PCDH11X: variants seen among roughly 807,000 people sequenced by gnomAD.
PCDH11X encodes the protein protocadherin-11 X-linked.
A neutral mutation model predicts 53.3 loss-of-function variants in PCDH11X; 18 were observed. That is an observed-to-expected ratio of 0.34 (90% confidence interval 0.23 to 0.50). The LOEUF is 0.50. Ranked by LOEUF, PCDH11X falls within the 20% of genes least tolerant of loss-of-function variation. The probability of loss-of-function intolerance (pLI) is 0.98; values close to 1 mark genes in which losing one functional copy is unlikely to be tolerated. For synonymous variants in PCDH11X, 279 were observed against 393.3 expected (o/e 0.71, Z 3.44); for missense variants, 570 against 1,032.4 (o/e 0.55, Z 6.14).
Position 92,387,840 on chromosome X carries a change from G to A in PCDH11X, c.3250G>A (p.Gly1084Ser). ...AGGCAGCCTTACCAGCACATCTCATGGCCTGCCCCTTGGCTATCCTCAGGA... is the reference window on the plus strand; with the variant it reads ...AGGCAGCCTTACCAGCACATCTCATAGCCTGCCCCTTGGCTATCCTCAGGA... ...DAGSLTSTSHGLPLGYPQEEY... is the reference protein window; with the variant it reads ...DAGSLTSTSHSLPLGYPQEEY... Residue 1084 changes from glycine (G) to serine (S), a missense_variant, in exon 9 of 11, where the codon GGC becomes AGC. Physicochemically the swap from Gly to Ser is moderately conservative, Grantham distance 56. This residue lies in a region of PCDH11X where 234 missense variants were observed against 296.1 expected (regional missense o/e 0.79). Coordinates refer to ENST00000682573, the MANE Select transcript of PCDH11X (RefSeq NM_032968.5). The A allele has an allele frequency of 8.3e-6, 10 of 1,211,608 alleles. No individual in the cohort carries two copies. Among genetic ancestry groups the A allele is most frequent in the Non-Finnish European group, 1.1e-5 (10 of 895,430 alleles).
At chrX:92,434,976 A>C (rs1432289061) in intron 9 of PCDH11X, among the ~76,000 whole-genome samples, 1 of 111,244 alleles carries the variant, frequency 9.0e-6, no homozygotes, top group Admixed American at 9.6e-5. Flanking sequence ...TGACTGCACC[A>C]GTTCTCTAAG....
At chrX:92,283,857 G>A (rs2068302006) in intron 8 of PCDH11X, among the ~76,000 whole-genome samples, 1 of 111,473 alleles carries the variant, frequency 9.0e-6, no homozygotes, top group African/African-American at 3.3e-5. Flanking sequence ...AATGAAGGTA[G>A]ACATATTTCT....
chrX:92,276,186 G>T (rs761776677), intron 8 of PCDH11X, among the ~76,000 whole-genome samples: 11 of 108,694 alleles, frequency 1.0e-4, no homozygotes, highest in Non-Finnish European at 1.1e-4. Context: ...AGGGAAACAG[G>T]CCCTTGAAAA....
At chrX:92,588,928 A>G (rs1313880244) in intron 10 of PCDH11X, among the ~76,000 whole-genome samples, 1 of 110,769 alleles carries the variant, frequency 9.0e-6, no homozygotes, top group Non-Finnish European at 1.9e-5. Context: ...ACCACAGGGA[A>G]AAAGAAAATA....
chrX:92,402,195 A>G (rs1183860399), intron 9 of PCDH11X, among the ~76,000 whole-genome samples: 5 of 111,997 alleles, frequency 4.5e-5, no homozygotes, highest in African/African-American at 1.6e-4. Context: ...CAGTATCATT[A>G]AAATGACCGT....
At chrX:91,788,842 C>T (rs1263544177) in intron 1 of PCDH11X, among the ~76,000 whole-genome samples, 1 of 112,027 alleles carries the variant, frequency 8.9e-6, no homozygotes, top group East Asian at 2.8e-4. Flanking sequence ...GTGAAATATG[C>T]AAGCTTTTTG....
intron 8 of PCDH11X, among the ~76,000 whole-genome samples, chrX:92,290,371 A>C (rs1460564003): frequency 1.8e-5 from 2 of 111,479 alleles, no homozygotes; most frequent in African/African-American, 6.5e-5. Flanking sequence ...AATAACCAGA[A>C]AGGAGCAATT....
intron 9 of PCDH11X, among the ~76,000 whole-genome samples, chrX:92,433,740 A>G (rs2072305154): frequency 3.6e-5 from 4 of 111,817 alleles, no homozygotes. Context: ...GATATAATGT[A>G]TGTAAAGCTC....
At chrX:91,961,999 G>A (rs1016838973) in intron 6 of PCDH11X, among the ~76,000 whole-genome samples, 14 of 108,381 alleles carry the variant, frequency 1.3e-4, no homozygotes, top group African/African-American at 4.7e-4. Flanking sequence ...CTCCCACCAG[G>A]TCTCTCCCAT....
At chrX:92,215,979 C>G (rs2066700735) in intron 7 of PCDH11X, among the ~76,000 whole-genome samples, 1 of 111,014 alleles carries the variant, frequency 9.0e-6, no homozygotes, top group South Asian at 3.8e-4. Flanking sequence ...CTCCAACAGA[C>G]CTGAAGCTGA....
At chrX:92,612,138 AT>A (rs887943577) in intron 10 of PCDH11X, among the ~76,000 whole-genome samples, 6 of 109,912 alleles carry the variant, frequency 5.5e-5, no homozygotes, top group African/African-American at 1.3e-4. Flanking sequence ...TACTACTAGA[AT>A]TTTTTTTTAA....
intron 6 of PCDH11X, among the ~76,000 whole-genome samples, chrX:91,973,438 T>TAA (rs1276150882): frequency 1.5e-5 from 1 of 67,816 alleles, no homozygotes; most frequent in Non-Finnish European, 2.9e-5. Flanking sequence ...TAAAGTATAA[T>TAA]AAAAAAAAAA....
chrX:91,901,431 C>A (rs1940950217), intron 6 of PCDH11X, among the ~76,000 whole-genome samples: 1 of 111,155 alleles, frequency 9.0e-6, no homozygotes, highest in Non-Finnish European at 1.9e-5. Context: ...GCCTTTCTGA[C>A]TCTGGAATAA....
At chrX:92,296,378 G>A (rs6618951) in intron 8 of PCDH11X, among the ~76,000 whole-genome samples, 23,273 of 106,755 alleles carry the variant, frequency 0.22, 4,069 homozygotes, top group East Asian at 0.74. Context: ...CAGGTAGTTT[G>A]TTGGTCCTGA....
intron 9 of PCDH11X, among the ~76,000 whole-genome samples, chrX:92,414,950 C>A (rs1322881173): frequency 9.1e-6 from 1 of 110,410 alleles, no homozygotes; most frequent in Non-Finnish European, 1.9e-5. Context: ...ATTCTCTTCT[C>A]AGGATTTATC....
At chrX:92,349,581 TC>T (rs923352587) in intron 8 of PCDH11X, among the ~76,000 whole-genome samples, 2 of 104,294 alleles carry the variant, frequency 1.9e-5, no homozygotes, top group Admixed American at 2.1e-4. Flanking sequence ...CTACCATTTG[TC>T]CCCTCCCCTT....
At chrX:91,966,455 G>A (rs1453225780) in intron 6 of PCDH11X, among the ~76,000 whole-genome samples, 1 of 108,116 alleles carries the variant, frequency 9.2e-6, no homozygotes, top group African/African-American at 3.4e-5. Flanking sequence ...CAATGAGAAC[G>A]CATGGACACA....
chrX:91,882,221 A>G (rs1055407108), intron 6 of PCDH11X, among the ~76,000 whole-genome samples: 47 of 111,175 alleles, frequency 4.2e-4, no homozygotes, highest in Non-Finnish European at 8.1e-4. Context: ...TATGGAAGGC[A>G]TTTTTGTATA....
chrX:92,030,326 G>T (rs1211352464), intron 6 of PCDH11X, among the ~76,000 whole-genome samples: 4 of 110,347 alleles, frequency 3.6e-5, no homozygotes, highest in Admixed American at 2.9e-4. Flanking sequence ...GTTGGGCAAA[G>T]ATTTTTTATT....
Sources: allele counts gnomAD v4.1 joint callset (sites outside exome capture counted in the v4.1 genomes callset), GRCh38; gene constraint gnomAD v4.1.1; regional missense constraint gnomAD v4.1.1; transcripts MANE v1.5; gene names NCBI Gene and HGNC (gene_info 2026-07-23, HGNC 2026-07-21).